Variants in PLA2G6 observed in about 807,000 individuals in gnomAD.
PLA2G6 encodes the protein 85/88 kDa calcium-independent phospholipase A2.
A neutral mutation model predicts 83.8 loss-of-function variants in PLA2G6; 62 were observed. The ratio of observed to expected loss-of-function variants is 0.74; its 90% confidence interval spans 0.60 to 0.91. PLA2G6 has a LOEUF of 0.91. Among genes scored for constraint, PLA2G6 ranks in the 40% least tolerant of loss-of-function variants. The pLI is 0.00. For missense variants in PLA2G6, 944 were observed against 1,102.0 expected (o/e 0.86, Z 2.03); for synonymous variants, 417 against 449.8 (o/e 0.93, Z 0.92).
rs1433121632 is a variant in PLA2G6, at chr22:38,140,225, A to G, written c.610-56T>C. On this transcript the variant is annotated intron_variant, in intron 4 of 16. Transcript: ENST00000332509. Reference sequence around the variant, plus strand: ...ATAGGATGCTGATAAGAACGTAAAGAGGCCGGGCGCAGTGGCTCATGCCTG... The same window carrying G: ...ATAGGATGCTGATAAGAACGTAAAGGGGCCGGGCGCAGTGGCTCATGCCTG... 9 of 1,552,788 alleles carry G rather than the reference A, an allele frequency of 5.8e-6. No homozygotes were observed. In the Admixed American group the frequency reaches 1.0e-4, roughly 17 times the overall value.
chr22:38,113,632 T>A lies in PLA2G6; in HGVS notation c.2057A>T (p.Lys686Ile). The change falls in exon 15 of 17, where the codon AAA (lysine) becomes ATA (isoleucine). Residue 686 changes from lysine (K) to isoleucine (I), a missense_variant. Lys to Ile is a moderately radical substitution (Grantham distance 102). Transcript: ENST00000332509. Reference sequence around the variant, plus strand: ...CCCCAGGGAGACAACGATGGAGAGTTTCTTCACCTTGTTGGCCTGACCCTG... The same window carrying A: ...CCCCAGGGAGACAACGATGGAGAGTATCTTCACCTTGTTGGCCTGACCCTG... ...IRKGQANKVK[K>I]LSIVVSLGTG... is the part of the protein sequence containing the mutation. The A allele has an allele frequency of 6.2e-7, 1 of 1,613,856 alleles. No homozygotes were observed. The highest frequency in any genetic ancestry group is 1.3e-5 in the African/African-American group (1 of 75,014).
chr22:38,146,078 C>T (rs559095066), intron 2 of PLA2G6: 1 of 270,920 alleles, frequency 3.7e-6, no homozygotes, highest in African/African-American at 2.2e-5. Flanking sequence ...TTTTGTCACC[C>T]AGGCTGGAGT....
chr22:38,174,162 T>C (rs1410715696), intron 1 of PLA2G6, among the ~76,000 whole-genome samples: 6 of 152,066 alleles, frequency 3.9e-5, no homozygotes, highest in African/African-American at 4.8e-5. Flanking sequence ...TTTGGGAGGT[T>C]AAGGCGGGCG....
At position 38,115,521 on chromosome 22, in the gene PLA2G6, A is replaced by T. The variant is rs928876814; in HGVS notation, c.2034+6T>A. ...GGGTCCAGGCCCTCTGGCCTACGGCACTCACCTTGCGGATCAGGTCCTGAT... is the reference window on the plus strand; with the variant it reads ...GGGTCCAGGCCCTCTGGCCTACGGCTCTCACCTTGCGGATCAGGTCCTGAT... On this transcript the variant is annotated splice_donor_region_variant and intron_variant, in intron 14 of 16. Coordinates refer to ENST00000332509, the MANE Select transcript of PLA2G6 (RefSeq NM_003560.4). The T allele has an allele frequency of 1.2e-6, 2 of 1,612,332 alleles. No homozygotes were observed. The highest frequency in any genetic ancestry group is 8.5e-7 in the Non-Finnish European group (1 of 1,179,292).
intron 1 of PLA2G6, among the ~76,000 whole-genome samples, chr22:38,170,241 C>T (rs929200376): frequency 6.6e-6 from 1 of 151,768 alleles, no homozygotes; most frequent in Admixed American, 6.6e-5. Flanking sequence ...ATTTCACTTC[C>T]GCAAACAAAA....
chr22:38,126,429 T>C lies in PLA2G6; in HGVS notation c.1369A>G (p.Ile457Val). The C allele has an allele frequency of 6.2e-7, 1 of 1,613,492 alleles. No homozygotes were observed. Among genetic ancestry groups the C allele is most frequent in the Non-Finnish European group, 8.5e-7 (1 of 1,179,854 alleles). ...NNLELQDLMH[I>V]SRARKPAFIL... ...AACGCTGGCTTCCGGGCCCGTGAGA[T>C]GTGCATGAGATCCTGTAGTTCTGTG... The change falls in exon 10 of 17, where the codon ATC becomes GTC. Residue 457 changes from isoleucine to valine, a missense_variant. Coordinates refer to ENST00000332509, the MANE Select transcript of PLA2G6 (RefSeq NM_003560.4).
intron 2 of PLA2G6, among the ~76,000 whole-genome samples, chr22:38,154,166 A>G (rs132956): frequency 0.18 from 28,003 of 152,218 alleles, 2,901 homozygotes; most frequent in East Asian, 0.44. Flanking sequence ...GGATGGGGGT[A>G]GGGGGAACTT....
intron 3 of PLA2G6, 161 bp from the exon 4 acceptor site, chr22:38,143,449 A>G (rs2089045818): frequency 1.4e-6 from 1 of 727,246 alleles, no homozygotes; most frequent in South Asian, 1.4e-5. Flanking sequence ...GCTGATTTGA[A>G]TGTAATTATA....
intron 2 of PLA2G6, chr22:38,148,864 T>TC: frequency 9.6e-6 from 1 of 103,664 alleles, no homozygotes. Flanking sequence ...TATTTCTTTT[T>TC]TTTTTTTTTT....
chr22:38,129,672 C>A (rs1194504060), intron 7 of PLA2G6, 110 bp from the exon 8 acceptor site: 1 of 777,602 alleles, frequency 1.3e-6, no homozygotes, highest in East Asian at 2.6e-5. Flanking sequence ...GGCCTCTCCT[C>A]AGCACGGGGA....
At chr22:38,167,589 C>A (rs2090270458) in intron 2 of PLA2G6, among the ~76,000 whole-genome samples, 1 of 152,178 alleles carries the variant, frequency 6.6e-6, no homozygotes. Context: ...CTGATCGAGT[C>A]CAGCTGGAAG....
intron 11 of PLA2G6, 141 bp from the exon 12 acceptor site, chr22:38,121,050 C>A: frequency 2.3e-6 from 2 of 862,672 alleles, no homozygotes; most frequent in South Asian, 1.6e-5. Context: ...AAATTCTGGG[C>A]CCTTCCTTTG....
In PLA2G6 at chr22:38,181,792, A is replaced by G. The variant is rs975753954; in HGVS notation, c.-174T>C. ...CCCGCGAGGTCACTCACCTCGGCTTACTCAGCACTTCTACTTCCTCCTACT... is the reference window on the plus strand; with the variant it reads ...CCCGCGAGGTCACTCACCTCGGCTTGCTCAGCACTTCTACTTCCTCCTACT... On this transcript the variant is annotated 5_prime_UTR_variant, in exon 1 of 17. Transcript: ENST00000332509. The G allele has an allele frequency of 6.6e-6, 1 of 152,244 alleles. No homozygotes were observed. The highest frequency in any genetic ancestry group is 2.4e-5 in the African/African-American group (1 of 41,444). 9.4% of individuals were successfully genotyped at this position (152,244 alleles called of 1,614,324 possible).
intron 2 of PLA2G6, among the ~76,000 whole-genome samples, chr22:38,150,940 A>T (rs2089528779): frequency 6.6e-6 from 1 of 152,144 alleles, no homozygotes; most frequent in African/African-American, 2.4e-5. Flanking sequence ...TACAAAAATT[A>T]GTCAGGTGTA....
chr22:38,152,377 A>T (rs2089601645), intron 2 of PLA2G6, among the ~76,000 whole-genome samples: 1 of 151,084 alleles, frequency 6.6e-6, no homozygotes, highest in African/African-American at 2.4e-5. Flanking sequence ...ATTTTTTTGT[A>T]TTTTTTTTAG....
chr22:38,116,573 G>A (rs1189337743), intron 12 of PLA2G6, among the ~76,000 whole-genome samples: 3 of 152,030 alleles, frequency 2.0e-5, no homozygotes, highest in South Asian at 2.1e-4. Context: ...AAGGAGAATC[G>A]GCTGGGCATG....
chr22:38,169,074 GAGTAC>G (rs1291064128), intron 2 of PLA2G6, 139 bp downstream of exon 2: 1 of 712,720 alleles, frequency 1.4e-6, no homozygotes, highest in East Asian at 2.7e-5. Flanking sequence ...TCTGGTCCAA[GAGTAC>G]AGTCTCCCCT....
intron 15 of PLA2G6, among the ~76,000 whole-genome samples, chr22:38,113,240 C>A (rs973601817): frequency 6.6e-6 from 1 of 152,182 alleles, no homozygotes; most frequent in African/African-American, 2.4e-5. Flanking sequence ...CTACACTGCG[C>A]TATGTTTGCA....
chr22:38,179,502 G>A (rs2090764006), intron 1 of PLA2G6, among the ~76,000 whole-genome samples: 1 of 152,198 alleles, frequency 6.6e-6, no homozygotes, highest in Admixed American at 6.5e-5. Flanking sequence ...TTAAGTTTGA[G>A]GCCTGGCGCG....
Sources: allele counts gnomAD v4.1 joint callset (sites outside exome capture counted in the v4.1 genomes callset), GRCh38; gene constraint gnomAD v4.1.1; transcripts MANE v1.5; gene names NCBI Gene and HGNC (gene_info 2026-07-23, HGNC 2026-07-21).